SHC4: variants seen among roughly 807,000 people sequenced by gnomAD.
SHC4 encodes the protein SHC adaptor protein 4.
In SHC4, 41 loss-of-function variants were observed where a neutral mutation model predicts 69.4. The ratio of observed to expected loss-of-function variants is 0.59; its 90% CI spans 0.46 to 0.77. The LOEUF is 0.77. SHC4 is among the 30% of genes least tolerant of loss of function. SHC4 has a pLI of 0.00. For missense variants in SHC4, 777 were observed against 783.8 expected, an observed-to-expected ratio of 0.99 and a Z score of 0.10; for synonymous variants, 318 against 299.3, an observed-to-expected ratio of 1.06 and a Z score of -0.64.
At chr15:48,942,009 T>G (rs1291195383) in intron 1 of SHC4, among the ~76,000 whole-genome samples, 4 of 152,194 alleles carry the variant, frequency 2.6e-5, no homozygotes, top group Non-Finnish European at 5.9e-5. Flanking sequence ...TTGAGTCATA[T>G]TCTTATAAAT....
intron 1 of SHC4, among the ~76,000 whole-genome samples, chr15:48,960,521 T>G (rs1325109662): frequency 6.6e-6 from 1 of 152,172 alleles, no homozygotes; most frequent in Non-Finnish European, 1.5e-5. Flanking sequence ...TCCCATACAT[T>G]TATCTGCTTT....
chr15:48,929,941 G>A (rs749338357), intron 1 of SHC4, among the ~76,000 whole-genome samples: 2 of 152,174 alleles, frequency 1.3e-5, no homozygotes, highest in Admixed American at 1.3e-4. Flanking sequence ...TCAACCACTT[G>A]CTCCCAGGGA....
At chr15:48,940,930 G>A (rs1901164040) in intron 1 of SHC4, among the ~76,000 whole-genome samples, 1 of 152,160 alleles carries the variant, frequency 6.6e-6, no homozygotes, top group Non-Finnish European at 1.5e-5. Context: ...CAGCTCAAAT[G>A]TTAATCATTT....
At chr15:48,869,327 G>A (rs1248140208) in intron 5 of SHC4, among the ~76,000 whole-genome samples, 3 of 152,256 alleles carry the variant, frequency 2.0e-5, no homozygotes, top group Middle Eastern at 3.4e-3. Flanking sequence ...CAAGAGATGA[G>A]AAGGCTATTC....
intron 2 of SHC4, among the ~76,000 whole-genome samples, chr15:48,911,496 G>A (rs1184307804): frequency 6.6e-6 from 1 of 152,146 alleles, no homozygotes; most frequent in African/African-American, 2.4e-5. Flanking sequence ...CAGATATTTG[G>A]TTGGTGAGTT....
intron 4 of SHC4, among the ~76,000 whole-genome samples, chr15:48,873,340 A>G (rs946881102): frequency 3.9e-5 from 6 of 152,232 alleles, no homozygotes; most frequent in African/African-American, 1.4e-4. Flanking sequence ...TTGGTTATAC[A>G]ACTGTTCATT....
intron 6 of SHC4, among the ~76,000 whole-genome samples, chr15:48,867,311 A>T (rs1314142845): frequency 6.6e-6 from 1 of 152,212 alleles, no homozygotes; most frequent in Non-Finnish European, 1.5e-5. Context: ...TACTGGAGAC[A>T]GGAGGTGCTA....
At chr15:48,956,954 C>G (rs1424337047) in intron 1 of SHC4, among the ~76,000 whole-genome samples, 3 of 24,474 alleles carry the variant, frequency 1.2e-4, no homozygotes, top group African/African-American at 5.7e-4. Context: ...TTTTCTTTTT[C>G]TTTCTTTCTT....
Position 48,963,253 on chromosome 15 carries a change from G to A in SHC4, c.-238C>T, listed in dbSNP as rs1345023762. The A allele has an allele frequency of 2.1e-6, 1 of 479,770 alleles. No homozygotes were observed. The highest frequency in any genetic ancestry group is 3.6e-6 in the Non-Finnish European group (1 of 274,564). 29.7% of individuals were successfully genotyped at this position (479,770 alleles called of 1,614,324 possible). A position where few individuals can be genotyped will look rare whatever the true frequency, so the allele number is the denominator to read the frequency against. ...CCCTGGCCCAGGCAGAGGCACCAGT[G>A]TTCTCGCCTTGGAATCCTTGTCGGG... On this transcript the variant is annotated 5_prime_UTR_variant, in exon 1 of 12. Transcript: ENST00000332408.
intron 2 of SHC4, among the ~76,000 whole-genome samples, chr15:48,908,516 T>G (rs1288707732): frequency 6.6e-6 from 1 of 152,236 alleles, no homozygotes; most frequent in Non-Finnish European, 1.5e-5. Context: ...TTTACTCTGC[T>G]GACTGTTCCT....
At chr15:48,928,101 G>C (rs940753025) in intron 1 of SHC4, among the ~76,000 whole-genome samples, 1 of 152,190 alleles carries the variant, frequency 6.6e-6, no homozygotes, top group South Asian at 2.1e-4. Context: ...GGAGGTGAAG[G>C]CTTGGCTGGT....
chr15:48,858,973 G>C (rs538976699), intron 6 of SHC4, among the ~76,000 whole-genome samples: 1 of 152,308 alleles, frequency 6.6e-6, no homozygotes, highest in South Asian at 2.1e-4. Flanking sequence ...TTGGGTCTCA[G>C]CATTTTGAAA....
chr15:48,944,761 C>A (rs1182387601), intron 1 of SHC4, among the ~76,000 whole-genome samples: 1 of 152,140 alleles, frequency 6.6e-6, no homozygotes, highest in South Asian at 2.1e-4. Flanking sequence ...CAGCCCCCTT[C>A]CTACCAAAAA....
chr15:48,896,287 T>TCC (rs1398381690), intron 2 of SHC4, among the ~76,000 whole-genome samples: 4 of 132,218 alleles, frequency 3.0e-5, no homozygotes, highest in African/African-American at 1.1e-4. Flanking sequence ...TCTCTCTCTC[T>TCC]CTCCCTCCCT....
chr15:48,917,485 G>C (rs139835066), intron 2 of SHC4, among the ~76,000 whole-genome samples: 1 of 151,936 alleles, frequency 6.6e-6, no homozygotes, highest in Non-Finnish European at 1.5e-5. Context: ...AGACAACTGC[G>C]GCTAGGAAAC....
Position 48,936,975 on chromosome 15 carries a change from C to T in SHC4, c.586-12026G>A, listed in dbSNP as rs573550862. Among the ~76,000 whole-genome samples the T allele has an allele frequency of 3.9e-5, 6 of 152,242 alleles. No homozygotes were observed. In the South Asian group the frequency reaches 8.3e-4, roughly 21 times the overall value. On this transcript the variant is annotated intron_variant, in intron 1 of 11. Transcript: ENST00000332408. ...ACAAAGTCACCCAGCTGGAGGTCAT[C>T]CCTGTGGCAAAAACTATACTGATAG... is the stretch of plus-strand genomic sequence containing the variant.
Position 48,859,306 on chromosome 15 carries a change from G to GGTGTGTGTGT in SHC4, c.947-1501_947-1492dup, listed in dbSNP as rs58641880. Among the ~76,000 whole-genome samples the GGTGTGTGTGT allele has an allele frequency of 5.7e-3, 836 of 145,922 alleles. 5 individuals carry two copies. The highest frequency in any genetic ancestry group is 0.013 in the African/African-American group (514 of 38,904). On this transcript the variant is annotated intron_variant, in intron 6 of 11. Coordinates refer to ENST00000332408, the MANE Select transcript of SHC4 (RefSeq NM_203349.4). ...ATTTTGTCTGAACACATTTGAAAGG[G>GGTGTGTGTGT]GTGTGTGTGTGTGTGTGTGTGTGTG...
chr15:48,873,237 T>C (rs913184297), intron 4 of SHC4, among the ~76,000 whole-genome samples: 66 of 152,300 alleles, frequency 4.3e-4, no homozygotes, highest in African/African-American at 1.5e-3. Context: ...GGCAAAATTA[T>C]GGTATTTGAA....
At chr15:48,890,604 T>A in intron 3 of SHC4, 144 bp downstream of exon 3, 1 of 864,256 alleles carries the variant, frequency 1.2e-6, no homozygotes, top group South Asian at 1.5e-5. Flanking sequence ...ACAAGAGCAG[T>A]TTTGAGTGCA....
Sources: allele counts gnomAD v4.1 joint callset (sites outside exome capture counted in the v4.1 genomes callset), GRCh38; gene constraint gnomAD v4.1.1; transcripts MANE v1.5; gene names NCBI Gene and HGNC (gene_info 2026-07-23, HGNC 2026-07-21).